ZCCHC14: variants seen among roughly 807,000 people sequenced by gnomAD.
ZCCHC14 encodes zinc finger CCHC domain-containing protein 14.
ZCCHC14 carries 16 observed loss-of-function variants against 85.0 expected under a neutral mutation model. That is an observed-to-expected ratio of 0.19 (90% CI 0.13 to 0.29). The LOEUF (loss-of-function observed/expected upper bound fraction) is 0.29. Ranked by LOEUF, ZCCHC14 falls within the 10% of genes least tolerant of loss-of-function variation. The pLI, the probability that ZCCHC14 is intolerant of heterozygous loss-of-function variation, is 1.00. For synonymous variants in ZCCHC14, 775 were observed against 630.7 expected (o/e 1.23, Z -3.43); for missense variants, 1,303 against 1,443.5 (o/e 0.90, Z 1.58).
intron 2 of ZCCHC14, among the ~76,000 whole-genome samples, chr16:87,441,677 C>G (rs1225791549): frequency 6.6e-6 from 1 of 152,210 alleles, no homozygotes; most frequent in Non-Finnish European, 1.5e-5. Flanking sequence ...GTACAATCGA[C>G]AACTCTGAGA....
Position 87,475,553 on chromosome 16 carries a change from A to T in ZCCHC14, c.571-15422T>A, listed in dbSNP as rs906551707. ...GGGTGGCAGAGCAAGACTCTGTCTT[A>T]AAAAAAAAAAAAAAAAAAAAAAGGA... On this transcript the variant is annotated intron_variant, in intron 1 of 12. Coordinates refer to ENST00000671377, the MANE Select transcript of ZCCHC14 (RefSeq NM_015144.3). Among the ~76,000 whole-genome samples the T allele has an allele frequency of 2.9e-3, 201 of 68,210 alleles. 2 individuals are homozygous for T. Among genetic ancestry groups the T allele is most frequent in the African/African-American group, 0.026 (192 of 7,452 alleles). The allele number at this position is 68,210 out of a possible 152,430, so 44.7% of individuals were successfully genotyped here.
intron 1 of ZCCHC14, among the ~76,000 whole-genome samples, chr16:87,488,157 C>A (rs957437175): frequency 6.6e-6 from 1 of 152,094 alleles, no homozygotes; most frequent in African/African-American, 2.4e-5. Context: ...ATTTTTTAAA[C>A]AAGAATAAGC....
At chr16:87,452,914 G>C (rs1174023207) in intron 2 of ZCCHC14, among the ~76,000 whole-genome samples, 1 of 152,224 alleles carries the variant, frequency 6.6e-6, no homozygotes, top group Admixed American at 6.5e-5. Context: ...GAGGGCTCAG[G>C]TGGCCCAAGT....
intron 1 of ZCCHC14, among the ~76,000 whole-genome samples, chr16:87,484,833 T>C (rs1285068686): frequency 6.6e-6 from 1 of 152,148 alleles, no homozygotes; most frequent in Non-Finnish European, 1.5e-5. Flanking sequence ...TATGGTTCTC[T>C]GTTTATGGGT....
At chr16:87,458,816 G>C (rs150047164) in intron 2 of ZCCHC14, among the ~76,000 whole-genome samples, 1 of 152,210 alleles carries the variant, frequency 6.6e-6, no homozygotes. Context: ...GGAGAATAGA[G>C]GCCAGCAGAT....
At chr16:87,471,854 C>G (rs1727455989) in intron 1 of ZCCHC14, 1 of 152,394 alleles carries the variant, frequency 6.6e-6, no homozygotes, top group South Asian at 2.1e-4. Flanking sequence ...ACACCAGCAT[C>G]TTGCTTGTAC....
chr16:87,418,961 TTTA>T, intron 6 of ZCCHC14, 60 bp from the exon 7 acceptor site: 1 of 1,466,474 alleles, frequency 6.8e-7, no homozygotes, highest in South Asian at 1.2e-5. Context: ...TTTGTTTTAT[TTTA>T]TTATTTTTTG....
intron 1 of ZCCHC14, among the ~76,000 whole-genome samples, chr16:87,468,934 TGGCAAAC>T (rs943954531): frequency 6.6e-6 from 1 of 152,182 alleles, no homozygotes; most frequent in African/African-American, 2.4e-5. Flanking sequence ...ACCTGGGAGC[TGGCAAAC>T]GACGCAGGCT....
chr16:87,480,038 G>A (rs1386660184), intron 1 of ZCCHC14, among the ~76,000 whole-genome samples: 1 of 151,856 alleles, frequency 6.6e-6, no homozygotes, highest in Non-Finnish European at 1.5e-5. Context: ...GTCTCCCAAA[G>A]TGCTGGGGTT....
intron 2 of ZCCHC14, among the ~76,000 whole-genome samples, chr16:87,442,121 T>C (rs1052140242): frequency 6.6e-6 from 1 of 152,156 alleles, no homozygotes. Context: ...CCCCGTGGCG[T>C]TGTGGGTGCG....
rs1469417649 is a variant in ZCCHC14, at chr16:87,418,986, T to C, written c.1046-85A>G. 1.4e-5 allele frequency: 18 copies of C among 1,284,320 alleles called. No individual in the cohort carries two copies. The Admixed American group carries it at 3.7e-4, about 27-fold the overall frequency. The allele number at this position is 1,284,320 out of a possible 1,614,324, so 79.6% of individuals were successfully genotyped here. ...TTTATTATTTTTTGAGACGGTGTTT[T>C]GCTCTTGTTGCCCAGGCTGGAGAGC... is the stretch of plus-strand genomic sequence containing the variant. On this transcript the variant is annotated intron_variant, in intron 6 of 12. Transcript: ENST00000671377.
intron 1 of ZCCHC14, among the ~76,000 whole-genome samples, chr16:87,464,858 C>G (rs1567536315): frequency 6.6e-6 from 1 of 152,214 alleles, no homozygotes; most frequent in Non-Finnish European, 1.5e-5. Context: ...CAAGTGCTCT[C>G]TGACTCAGGC....
At chr16:87,438,258 G>A (rs780156932) in intron 2 of ZCCHC14, among the ~76,000 whole-genome samples, 1 of 152,272 alleles carries the variant, frequency 6.6e-6, no homozygotes, top group Admixed American at 6.5e-5. Flanking sequence ...ACGGGGGCTG[G>A]ACTCTGTGTG....
Position 87,491,588 on chromosome 16 carries a change from G to A in ZCCHC14, c.570+81C>T. 7.9e-7 allele frequency: 1 copy of A among 1,264,008 alleles called. No homozygotes were observed. The highest frequency in any genetic ancestry group is 1.0e-6 in the Non-Finnish European group (1 of 986,136). 78.3% of individuals were successfully genotyped at this position (1,264,008 alleles called of 1,614,324 possible). On this transcript the variant is annotated intron_variant, in intron 1 of 12. Coordinates refer to ENST00000671377, the MANE Select transcript of ZCCHC14 (RefSeq NM_015144.3). The surrounding 1 kb of genome is among the most constrained non-coding windows in gnomAD (Gnocchi z 5.9). ...GGCTGGAGGCGTGGGTCGGGGGGTC[G>A]CGGTGCAGGCTGGAGGCTTGGAGTG... is the stretch of plus-strand genomic sequence containing the variant.
chr16:87,438,055 G>A (rs1910014184), intron 2 of ZCCHC14, among the ~76,000 whole-genome samples: 2 of 152,260 alleles, frequency 1.3e-5, no homozygotes, highest in Admixed American at 1.3e-4. Flanking sequence ...GGTTGTGACA[G>A]CCTGCCACCT....
chr16:87,431,472 GAAAAA>G (rs537437083), intron 3 of ZCCHC14, among the ~76,000 whole-genome samples: 1 of 76,750 alleles, frequency 1.3e-5, no homozygotes, highest in Non-Finnish European at 2.9e-5. Flanking sequence ...GGCTCTGTCT[GAAAAA>G]AAAAAAAAAA....
At chr16:87,447,315 AATTT>A (rs940260584) in intron 2 of ZCCHC14, among the ~76,000 whole-genome samples, 15 of 151,580 alleles carry the variant, frequency 9.9e-5, no homozygotes, top group Admixed American at 8.5e-4. Flanking sequence ...TTTTTTTTTT[AATTT>A]GAGGCGAAAT....
chr16:87,419,609 T>A (rs1446768315), intron 6 of ZCCHC14, among the ~76,000 whole-genome samples, 174 bp downstream of exon 6: 1 of 152,194 alleles, frequency 6.6e-6, no homozygotes, highest in Non-Finnish European at 1.5e-5. Context: ...CCTAATTTTG[T>A]ATTTTTAGTA....
intron 3 of ZCCHC14, among the ~76,000 whole-genome samples, chr16:87,425,630 C>T: frequency 6.6e-6 from 1 of 152,018 alleles, no homozygotes; most frequent in East Asian, 1.9e-4. Context: ...GTTTGAGCTC[C>T]TTCTCTGCCT....
Sources: gnomAD v4.1 joint callset for allele counts (sites outside exome capture counted in the v4.1 genomes callset) on GRCh38, gnomAD v4.1.1 for gene constraint, Gnocchi (gnomAD v3.1) non-coding constraint, MANE v1.5 for transcripts, NCBI Gene and HGNC (gene_info 2026-07-23, HGNC 2026-07-21) for gene names.